KSR2: variants seen among roughly 807,000 people sequenced by gnomAD.
KSR2 encodes the protein kinase suppressor of ras 2.
KSR2 carries 25 observed loss-of-function variants against 107.8 expected under a neutral mutation model. The ratio of observed to expected loss-of-function variants is 0.23; its 90% CI spans 0.17 to 0.32. The LOEUF is 0.32. Ranked by LOEUF, KSR2 falls within the 10% of genes least tolerant of loss-of-function variation. The probability of loss-of-function intolerance (pLI) is 1.00; values close to 1 mark genes in which losing one functional copy is unlikely to be tolerated. For synonymous variants in KSR2, 480 were observed against 507.0 expected (o/e 0.95, Z 0.71); for missense variants, 887 against 1,268.9 (o/e 0.70, Z 4.57).
intron 5 of KSR2, among the ~76,000 whole-genome samples, chr12:117,622,949 T>A (rs1882271608): frequency 6.6e-6 from 1 of 152,156 alleles, no homozygotes; most frequent in Admixed American, 6.5e-5. Flanking sequence ...CATATTGAGG[T>A]AGGCATGCAC....
intron 1 of KSR2, among the ~76,000 whole-genome samples, chr12:117,892,077 T>C (rs1186603380): frequency 6.6e-6 from 1 of 152,068 alleles, no homozygotes; most frequent in Non-Finnish European, 1.5e-5. Context: ...GGTAAGTGGG[T>C]CACCTGAAGG....
At chr12:117,604,713 A>G (rs1056815719) in intron 5 of KSR2, among the ~76,000 whole-genome samples, 3 of 152,144 alleles carry the variant, frequency 2.0e-5, no homozygotes, top group African/African-American at 7.2e-5. Flanking sequence ...AATCTTTTAT[A>G]TAATATATAA....
At chr12:117,924,016 T>TTACAGGCATGCGCCACCAC (rs1895425502) in intron 1 of KSR2, among the ~76,000 whole-genome samples, 1 of 151,112 alleles carries the variant, frequency 6.6e-6, no homozygotes, top group Non-Finnish European at 1.5e-5. Flanking sequence ...GTAGCTGGGA[T>TTACAGGCATGCGCCACCAC]TACAGGCATG....
intron 4 of KSR2, among the ~76,000 whole-genome samples, chr12:117,678,084 G>A (rs1053085964): frequency 6.7e-6 from 1 of 149,920 alleles, no homozygotes; most frequent in Non-Finnish European, 1.5e-5. Context: ...ATAGGCATGT[G>A]CCACCAAAGC....
rs1459585385 is a variant in KSR2 at position 117,462,487 on chromosome 12, T to C, written c.*4712A>G. ...ACAGCTGCAAGCCAAGGAATGCCAA[T>C]GATGACCAGGAAAGCACCAGGAATT... On this transcript the variant is annotated 3_prime_UTR_variant, in exon 20 of 20. Transcript: ENST00000339824. The C allele has an allele frequency of 6.6e-6, 1 of 152,152 alleles. No individual in the cohort carries two copies. The highest frequency in any genetic ancestry group is 1.5e-5 in the Non-Finnish European group (1 of 68,062). The allele number at this position is 152,152 out of a possible 1,614,324, so 9.4% of individuals were successfully genotyped here.
chr12:117,595,166 C>T (rs1880557808), intron 5 of KSR2, among the ~76,000 whole-genome samples: 1 of 152,172 alleles, frequency 6.6e-6, no homozygotes, highest in Non-Finnish European at 1.5e-5. Context: ...TTCTTCAAAA[C>T]ACTTAGCTAG....
chr12:117,894,224 A>C (rs867298575), intron 1 of KSR2, among the ~76,000 whole-genome samples: 39 of 152,162 alleles, frequency 2.6e-4, no homozygotes, highest in Admixed American at 2.4e-3. Flanking sequence ...TTCTTAAATA[A>C]AGACAGGCTC....
At chr12:117,794,020 TCACACCAACATGCA>T (rs201646232) in intron 3 of KSR2, among the ~76,000 whole-genome samples, 12,546 of 42,208 alleles carry the variant, frequency 0.3, 3,141 homozygotes, top group East Asian at 0.64. Context: ...ACATGCACAC[TCACACCAACATGCA>T]CACACCAACA....
At chr12:117,834,437 G>A (rs1288558848) in intron 3 of KSR2, among the ~76,000 whole-genome samples, 1 of 109,824 alleles carries the variant, frequency 9.1e-6, no homozygotes, top group African/African-American at 3.6e-5. Context: ...GATACTGGGG[G>A]TGGGGGGCGG....
At chr12:117,793,299 C>T (rs1166650611) in intron 3 of KSR2, among the ~76,000 whole-genome samples, 13 of 115,796 alleles carry the variant, frequency 1.1e-4, no homozygotes, top group Admixed American at 2.8e-4. Context: ...ATACCATACA[C>T]ACAACATGCA....
intron 7 of KSR2, among the ~76,000 whole-genome samples, chr12:117,572,256 G>A (rs866973760): frequency 2.0e-5 from 3 of 152,282 alleles, no homozygotes; most frequent in Middle Eastern, 3.4e-3. Context: ...ACCCTGATGT[G>A]CATTACTGCA....
At chr12:117,964,272 A>G (rs1358459901) in intron 1 of KSR2, among the ~76,000 whole-genome samples, 3 of 152,208 alleles carry the variant, frequency 2.0e-5, no homozygotes, top group Non-Finnish European at 4.4e-5. Context: ...ACTCCGTTCT[A>G]TCCTCTCTTG....
At chr12:117,584,593 T>C (rs781434671) in intron 5 of KSR2, among the ~76,000 whole-genome samples, 21 of 152,146 alleles carry the variant, frequency 1.4e-4, no homozygotes, top group Non-Finnish European at 2.9e-4. Flanking sequence ...GGGTGAAGAA[T>C]AAGATTGTAC....
At chr12:117,698,893 C>T (rs1361722932) in intron 4 of KSR2, among the ~76,000 whole-genome samples, 1 of 152,172 alleles carries the variant, frequency 6.6e-6, no homozygotes, top group South Asian at 2.1e-4. Flanking sequence ...AGGGCCTTTG[C>T]ACATACAGTT....
At chr12:117,896,458 ATTT>A (rs1159176481) in intron 1 of KSR2, among the ~76,000 whole-genome samples, 2 of 135,618 alleles carry the variant, frequency 1.5e-5, no homozygotes, top group Non-Finnish European at 3.2e-5. Context: ...TTCGCACAAC[ATTT>A]TTTTTTTTTT....
At chr12:117,949,853 T>G (rs79490571) in intron 1 of KSR2, among the ~76,000 whole-genome samples, 2,336 of 152,288 alleles carry the variant, frequency 0.015, 53 homozygotes, top group African/African-American at 0.053. Context: ...AGTAAGTATA[T>G]GCTTAAGATC....
chr12:117,654,438 T>C (rs4318050), intron 5 of KSR2, among the ~76,000 whole-genome samples: 13,885 of 152,230 alleles, frequency 0.091, 927 homozygotes, highest in East Asian at 0.3. Context: ...GGTTCACAGA[T>C]GGTTCTGCAC....
chr12:117,674,256 T>C (rs779863845), intron 4 of KSR2: 1 of 501,970 alleles, frequency 2.0e-6, no homozygotes, highest in Non-Finnish European at 4.0e-6. Context: ...CCCAATGTTC[T>C]GGTCCAAGCC....
chr12:117,761,735 A>G (rs878859188), intron 3 of KSR2, among the ~76,000 whole-genome samples: 2 of 152,078 alleles, frequency 1.3e-5, no homozygotes, highest in Admixed American at 6.5e-5. Flanking sequence ...ATTACATCAT[A>G]TGCATGTTAC....
Sources: gnomAD v4.1 joint callset for allele counts (sites outside exome capture counted in the v4.1 genomes callset) on GRCh38, gnomAD v4.1.1 for gene constraint, MANE v1.5 for transcripts, NCBI Gene and HGNC (gene_info 2026-07-23, HGNC 2026-07-21) for gene names.